Variants in ZNF875 observed in about 807,000 individuals in gnomAD.
ZNF875 encodes the protein HKR1, GLI-Kruppel zinc finger family member.
ZNF875 carries 14 observed loss-of-function variants against 11.2 expected under a neutral mutation model. That is an observed-to-expected ratio of 1.26 (90% CI 0.83 to 1.96). ZNF875 has a LOEUF of 1.96. Ranked by LOEUF, ZNF875 falls within the 30% of genes most tolerant of loss-of-function variation. The probability of loss-of-function intolerance (pLI) is 0.00; values close to 1 mark genes in which losing one functional copy is unlikely to be tolerated. For synonymous variants in ZNF875, 301 were observed against 281.1 expected (o/e 1.07, Z -0.71); for missense variants, 752 against 760.4 (o/e 0.99, Z 0.13).
intron 3 of ZNF875, 53 bp downstream of exon 3, chr19:37,347,369 C>T: frequency 1.3e-6 from 2 of 1,548,768 alleles, no homozygotes; most frequent in Non-Finnish European, 8.7e-7. Flanking sequence ...GTATTTTCCA[C>T]TCATCGTGAG....
chr19:37,318,111 C>T (rs2030397911), exon 1 of ZNF875: 1 of 154,436 alleles, frequency 6.5e-6, no homozygotes, highest in Non-Finnish European at 1.4e-5. Flanking sequence ...CCCATCCGTC[C>T]ACCGGACTCG....
At chr19:37,351,119 T>C (rs964880402) in intron 4 of ZNF875, among the ~76,000 whole-genome samples, 1 of 152,178 alleles carries the variant, frequency 6.6e-6, no homozygotes, top group African/African-American at 2.4e-5. Context: ...ATTTTATTTC[T>C]ACTAAAATAT....
chr19:37,323,996 C>T (rs1420164231), intron 3 of ZNF875, among the ~76,000 whole-genome samples: 3 of 152,132 alleles, frequency 2.0e-5, no homozygotes, highest in Non-Finnish European at 4.4e-5. Context: ...TTGGTGGTGA[C>T]CTCATGTCAT....
At position 37,335,190 on chromosome 19, in the gene ZNF875, C is replaced by T. The variant is rs188572682; in HGVS notation, c.-35C>T. 13 of 702,270 alleles carry T rather than the reference C, an allele frequency of 1.9e-5. No homozygotes were observed. In the East Asian group the frequency reaches 3.5e-4, roughly 19 times the overall value. 43.5% of individuals were successfully genotyped at this position (702,270 alleles called of 1,614,324 possible). A position where few individuals can be genotyped will look rare whatever the true frequency, so the allele number is the denominator to read the frequency against. On this transcript the variant is annotated 5_prime_UTR_variant, in exon 2 of 5. Transcript: ENST00000392153. ...CCAGATCTGTCTTCTGAGACTTTGC[C>T]CTTCTCCAGGAAGAGCACTCAGGAG... is the stretch of plus-strand genomic sequence containing the variant.
chr19:37,362,488 C>CA lies in ZNF875; in HGVS notation c.639dup (p.Val214SerfsTer16). The CA allele has an allele frequency of 6.2e-7, 1 of 1,614,148 alleles. No individual in the cohort carries two copies. The highest frequency in any genetic ancestry group is 8.5e-7 in the Non-Finnish European group (1 of 1,180,020). On this transcript the variant is annotated frameshift_variant, in exon 5 of 5. Transcript: ENST00000392153. LOFTEE classifies it low-confidence loss of function (END_TRUNC). ...GGAGGGCAGATCTAGAGGAAACAGA[C>CA]AAAGTATTGCATGGTTTAGAAGTCT...
intron 4 of ZNF875, chr19:37,359,702 CT>C: frequency 9.2e-6 from 2 of 217,574 alleles, no homozygotes; most frequent in Non-Finnish European, 1.8e-5. Context: ...ATGCCTGGCC[CT>C]TTTCATTGTT....
At position 37,362,125 on chromosome 19, in the gene ZNF875, T is replaced by C. The variant is rs1357206035; in HGVS notation, c.273T>C (p.Ile91=). The C allele has an allele frequency of 6.2e-7, 1 of 1,610,558 alleles. No homozygotes were observed. The highest frequency in any genetic ancestry group is 8.5e-7 in the Non-Finnish European group (1 of 1,178,312). ...CTTCAGCAGAATCGAAGCCAGAAAT[T>C]CAACTTAGTCCCTCCTGCCCTCTGA... is the stretch of plus-strand genomic sequence containing the variant. ...LDLCPESKPE[I]QLSPSCPLIF... The change falls in exon 5 of 5, where the codon ATT becomes ATC. Residue 91 remains isoleucine, a synonymous_variant. Coordinates refer to ENST00000392153, the MANE Select transcript of ZNF875 (RefSeq NM_001353803.2).
chr19:37,331,457 C>G (rs1157536255), upstream of ZNF875, among the ~76,000 whole-genome samples: 3 of 151,420 alleles, frequency 2.0e-5, no homozygotes, highest in East Asian at 6.1e-4. Context: ...ACATAGGAGA[C>G]TCCATTTTGT....
intron 4 of ZNF875, among the ~76,000 whole-genome samples, chr19:37,326,645 C>G (rs1407856255): frequency 7.6e-6 from 1 of 131,242 alleles, no homozygotes; most frequent in Non-Finnish European, 1.6e-5. Context: ...ATTTCAAATT[C>G]TAAAGTTAAA....
upstream of ZNF875, chr19:37,314,829 G>A (rs1203583817): frequency 2.0e-5 from 3 of 150,638 alleles, no homozygotes; most frequent in African/African-American, 2.4e-5. Context: ...ATGTGGACTA[G>A]ACTCTGGAGG....
At chr19:37,343,192 C>T (rs2036090345) in intron 2 of ZNF875, among the ~76,000 whole-genome samples, 1 of 151,942 alleles carries the variant, frequency 6.6e-6, no homozygotes, top group Admixed American at 6.6e-5. Flanking sequence ...CAAAAATTAG[C>T]CGGGTGTGGT....
At chr19:37,323,975 C>T (rs1369955048) in intron 3 of ZNF875, among the ~76,000 whole-genome samples, 2 of 152,156 alleles carry the variant, frequency 1.3e-5, no homozygotes, top group South Asian at 2.1e-4. Flanking sequence ...GTCTGTTTAG[C>T]GCTTGATGGT....
intron 3 of ZNF875, 45 bp downstream of exon 3, chr19:37,347,361 A>G (rs1042423287): frequency 6.4e-7 from 1 of 1,564,318 alleles, no homozygotes; most frequent in Non-Finnish European, 8.7e-7. Flanking sequence ...CCTACAGAGT[A>G]TTTTCCACTC....
chr19:37,330,045 A>T (rs1197890456), upstream of ZNF875, among the ~76,000 whole-genome samples: 2 of 152,102 alleles, frequency 1.3e-5, no homozygotes, highest in Admixed American at 6.6e-5. Flanking sequence ...ACTTACCATT[A>T]AAAAAAATCA....
At position 37,363,207 on chromosome 19, in the gene ZNF875, G is replaced by T. The variant is rs2040265148; in HGVS notation, c.1355G>T (p.Cys452Phe). 2 of 1,613,850 alleles carry T rather than the reference G, an allele frequency of 1.2e-6. No individual in the cohort carries two copies. The highest frequency in any genetic ancestry group is 3.3e-5 in the Admixed American group (2 of 60,004). ...CACTCAGGGGTTAAACCTTATGTCT[G>T]CCTGGAGTGCGGGCAGTGCTTTAGC... is the stretch of plus-strand genomic sequence containing the variant. ...RTHSGVKPYV[C>F]LECGQCFSLK... is the part of the protein sequence containing the mutation. Residue 452 changes from cysteine (C) to phenylalanine (F), a missense_variant, in exon 5 of 5, where the codon TGC becomes TTC. Transcript: ENST00000392153.
rs1396437483 is a variant in ZNF875, at chr19:37,334,667, A to G, written c.-172A>G. 2.0e-5 allele frequency: 9 copies of G among 455,892 alleles called. No homozygotes were observed. Among genetic ancestry groups the G allele is most frequent in the Non-Finnish European group, 4.0e-5 (9 of 226,786 alleles). The allele number at this position is 455,892 out of a possible 1,614,324, so 28.2% of individuals were successfully genotyped here. ...CAGAAACACTTCCGGTCGGTGGCCC[A>G]GGCGCGTTAAGCTGGTTGGGACCCG... On this transcript the variant is annotated 5_prime_UTR_variant, in exon 1 of 5. Transcript: ENST00000392153.
intron 4 of ZNF875, among the ~76,000 whole-genome samples, chr19:37,348,272 A>C (rs1419587824): frequency 6.6e-6 from 1 of 152,180 alleles, no homozygotes; most frequent in East Asian, 1.9e-4. Context: ...CTTATTACAC[A>C]ATACTTAAGC....
chr19:37,345,442 G>A (rs2036582154), intron 2 of ZNF875, among the ~76,000 whole-genome samples: 1 of 152,178 alleles, frequency 6.6e-6, no homozygotes, highest in African/African-American at 2.4e-5. Flanking sequence ...CCTGGGAAGG[G>A]TACAGTGTGG....
At chr19:37,358,817 C>G (rs1367746144) in intron 4 of ZNF875, among the ~76,000 whole-genome samples, 1 of 152,050 alleles carries the variant, frequency 6.6e-6, no homozygotes, top group Non-Finnish European at 1.5e-5. Flanking sequence ...CCGCGCCTGG[C>G]CAGTTCTCAC....
Sources: allele counts gnomAD v4.1 joint callset (sites outside exome capture counted in the v4.1 genomes callset), GRCh38; gene constraint gnomAD v4.1.1; transcripts MANE v1.5; gene names NCBI Gene and HGNC (gene_info 2026-07-23, HGNC 2026-07-21).